CA12: variants seen among roughly 807,000 people sequenced by gnomAD.
CA12 encodes the protein carbonate dehydratase XII.
Under a neutral mutation model 46.8 loss-of-function variants are expected in CA12, and 36 were observed. The observed-to-expected ratio is 0.77, with a 90% confidence interval of 0.59 to 1.02. The LOEUF (loss-of-function observed/expected upper bound fraction) is 1.02. Ranked by LOEUF, CA12 falls within the 50% of genes least tolerant of loss-of-function variation. The pLI, the probability that CA12 is intolerant of heterozygous loss-of-function variation, is 0.00. For synonymous variants in CA12, 202 were observed against 187.0 expected (o/e 1.08, Z -0.65); for missense variants, 436 against 451.4 (o/e 0.97, Z 0.31).
chr15:63,345,744 G>T lies in CA12; in HGVS notation c.287-125C>A, dbSNP rs892354109. ...CCTGGAGCCCAGAGAGAGGCAGGTGGATGGAGTGAGGTGCGGAGCAGAGAT... is the reference window on the plus strand; with the variant it reads ...CCTGGAGCCCAGAGAGAGGCAGGTGTATGGAGTGAGGTGCGGAGCAGAGAT... On this transcript the variant is annotated intron_variant, in intron 3 of 10. Transcript: ENST00000178638. The surrounding 1 kb of genome is among the most constrained non-coding windows in gnomAD (Gnocchi z 4.3). 9 of 1,256,004 alleles carry T rather than the reference G, an allele frequency of 7.2e-6. No homozygotes were observed. In the African/African-American group the frequency reaches 1.0e-4, roughly 14 times the overall value. The allele number at this position is 1,256,004 out of a possible 1,614,324, so 77.8% of individuals were successfully genotyped here. A position where few individuals can be genotyped will look rare whatever the true frequency, so the allele number is the denominator to read the frequency against.
At position 63,325,988 on chromosome 15, in the gene CA12, A is replaced by T. The variant is rs2038860729; in HGVS notation, c.*297T>A. The T allele has an allele frequency of 1.4e-5, 6 of 427,732 alleles. No homozygotes were observed. Among genetic ancestry groups the T allele is most frequent in the Middle Eastern group, 6.8e-4 (1 of 1,476 alleles). The allele number at this position is 427,732 out of a possible 1,614,324, so 26.5% of individuals were successfully genotyped here. A position where few individuals can be genotyped will look rare whatever the true frequency, so the allele number is the denominator to read the frequency against. On this transcript the variant is annotated 3_prime_UTR_variant, in exon 11 of 11. Coordinates refer to ENST00000178638, the MANE Select transcript of CA12 (RefSeq NM_001218.5). This position sits in a 1 kb window ranked among gnomAD's most constrained non-coding sequence, Gnocchi z 4.9. Reference sequence around the variant, plus strand: ...TTCCAACCATTAATGGCCCACCAGCATGGCTTGGTTTGTGATTCCAGAATT... The same window carrying T: ...TTCCAACCATTAATGGCCCACCAGCTTGGCTTGGTTTGTGATTCCAGAATT...
intron 2 of CA12, among the ~76,000 whole-genome samples, chr15:63,351,394 G>A (rs944676525): frequency 6.6e-6 from 1 of 152,130 alleles, no homozygotes; most frequent in Non-Finnish European, 1.5e-5. Context: ...AGCCTGGCTT[G>A]GGTGGCACCA....
chr15:63,357,215 C>T (rs1247665132), intron 2 of CA12, among the ~76,000 whole-genome samples: 2 of 152,214 alleles, frequency 1.3e-5, no homozygotes, highest in East Asian at 3.8e-4. Context: ...AACTTGAGTG[C>T]ACAATCAGAA....
chr15:63,377,000 G>A (rs998904152), intron 1 of CA12, among the ~76,000 whole-genome samples: 5 of 152,164 alleles, frequency 3.3e-5, no homozygotes, highest in Non-Finnish European at 7.3e-5. Context: ...AATTCCAGGG[G>A]TAGTAGGAAT....
chr15:63,334,676 T>A (rs1460601044), intron 8 of CA12, among the ~76,000 whole-genome samples: 1 of 152,028 alleles, frequency 6.6e-6, no homozygotes, highest in East Asian at 1.9e-4. Flanking sequence ...GAAAAACTCA[T>A]ACAAAAGGGA....
At chr15:63,326,382 C>T (rs764590653) in intron 10 of CA12, 25 bp from the exon 11 acceptor site, 9 of 1,593,810 alleles carry the variant, frequency 5.6e-6, no homozygotes, top group Non-Finnish European at 6.9e-6. Flanking sequence ...ACACATAACT[C>T]TTGTTAGAGA....
rs1483004218 is a variant in CA12 at position 63,340,932 on chromosome 15, A to C, written c.526-149T>G. ...TACTGGACAATTATGATGGATCACT[A>C]GGCTCTTGGGAGTTAGTGTAATGGT... On this transcript the variant is annotated intron_variant, in intron 5 of 10. Transcript: ENST00000178638. The surrounding 1 kb of genome is among the most constrained non-coding windows in gnomAD (Gnocchi z 4.4). 10 of 725,000 alleles carry C rather than the reference A, an allele frequency of 1.4e-5. No individual in the cohort carries two copies. The highest frequency in any genetic ancestry group is 2.3e-5 in the Non-Finnish European group (9 of 397,084). 44.9% of individuals were successfully genotyped at this position (725,000 alleles called of 1,614,324 possible).
At chr15:63,335,577 C>T (rs889579211) in intron 8 of CA12, among the ~76,000 whole-genome samples, 3 of 151,280 alleles carry the variant, frequency 2.0e-5, no homozygotes, top group African/African-American at 7.3e-5. Flanking sequence ...GATCCTCCCA[C>T]CTCAGCCTCC....
chr15:63,366,975 G>T (rs1052522156), intron 2 of CA12, among the ~76,000 whole-genome samples: 2 of 152,178 alleles, frequency 1.3e-5, no homozygotes, highest in African/African-American at 2.4e-5. Flanking sequence ...AGACTGGAGT[G>T]CAGTGGTATG....
intron 8 of CA12, among the ~76,000 whole-genome samples, chr15:63,333,019 A>T (rs2038955540): frequency 6.6e-6 from 1 of 152,196 alleles, no homozygotes; most frequent in Non-Finnish European, 1.5e-5. Context: ...CATAACAGAG[A>T]TGGAGACGTG....
chr15:63,376,440 C>T (rs887091309), intron 1 of CA12, among the ~76,000 whole-genome samples: 3 of 152,080 alleles, frequency 2.0e-5, no homozygotes, highest in Admixed American at 6.6e-5. Flanking sequence ...ATGCATTGAT[C>T]TCCCTCTTTC....
At chr15:63,368,208 A>C (rs184635561) in intron 2 of CA12, among the ~76,000 whole-genome samples, 1 of 152,356 alleles carries the variant, frequency 6.6e-6, no homozygotes, top group Non-Finnish European at 1.5e-5. Flanking sequence ...CAGAGATGCT[A>C]AAATGTGGGG....
intron 2 of CA12, among the ~76,000 whole-genome samples, chr15:63,347,466 G>C (rs564812007): frequency 6.6e-6 from 1 of 151,968 alleles, no homozygotes; most frequent in South Asian, 2.1e-4. Flanking sequence ...GTTTAAGCTG[G>C]AAAAAAATAT....
intron 3 of CA12, among the ~76,000 whole-genome samples, chr15:63,346,035 C>A (rs1336180116): frequency 6.6e-6 from 1 of 152,190 alleles, no homozygotes; most frequent in African/African-American, 2.4e-5. Flanking sequence ...TGCCAGACCC[C>A]AACGTACATA....
intron 4 of CA12, 79 bp from the exon 5 acceptor site, chr15:63,342,176 A>G (rs958057552): frequency 2.2e-6 from 2 of 898,726 alleles, no homozygotes; most frequent in Non-Finnish European, 3.7e-6. Context: ...ACTTGACTCC[A>G]ACTGTGAGGA....
At chr15:63,336,508 A>C (rs1224944484) in intron 8 of CA12, among the ~76,000 whole-genome samples, 1 of 146,216 alleles carries the variant, frequency 6.8e-6, no homozygotes, top group Admixed American at 6.8e-5. Flanking sequence ...ACATATTAGC[A>C]CCGAAAGGAC....
intron 2 of CA12, among the ~76,000 whole-genome samples, chr15:63,370,892 C>T (rs2152626391): frequency 6.6e-6 from 1 of 152,296 alleles, no homozygotes; most frequent in Admixed American, 6.5e-5. Context: ...CGAGAAGTGG[C>T]TGGAATGTTT....
In CA12 at chr15:63,340,226, A is replaced by G. The variant is rs148708737; in HGVS notation, c.747+62T>C. The G allele has an allele frequency of 3.3e-3, 5,080 of 1,560,652 alleles. 10 individuals carry two copies. Among genetic ancestry groups the G allele is most frequent in the Non-Finnish European group, 4.0e-3 (4,537 of 1,132,086 alleles). On this transcript the variant is annotated intron_variant, in intron 7 of 10. Coordinates refer to ENST00000178638, the MANE Select transcript of CA12 (RefSeq NM_001218.5). The surrounding 1 kb of genome is among the most constrained non-coding windows in gnomAD (Gnocchi z 4.4). Reference sequence around the variant, plus strand: ...AGGAAATCAAGTCATTGATTGTGATATGGAGGATGATGGGGACTGAGGTGC... The same window carrying G: ...AGGAAATCAAGTCATTGATTGTGATGTGGAGGATGATGGGGACTGAGGTGC...
rs1471916419 is a variant in CA12, at chr15:63,355,134, CCT to C, written c.107-8427_107-8426del. Among the ~76,000 whole-genome samples the C allele has an allele frequency of 6.6e-6, 1 of 152,158 alleles. No individual in the cohort carries two copies. The highest frequency in any genetic ancestry group is 1.5e-5 in the Non-Finnish European group (1 of 68,036). On this transcript the variant is annotated intron_variant, in intron 2 of 10. Coordinates refer to ENST00000178638, the MANE Select transcript of CA12 (RefSeq NM_001218.5). The surrounding 1 kb of genome is among the most constrained non-coding windows in gnomAD (Gnocchi z 4.1). ...GTTCATCGTGGAGAGGCTCTGCCCACCTCTCTCTGGACTTTTCTGTGTCTGCT... is the reference window on the plus strand; with the variant it reads ...GTTCATCGTGGAGAGGCTCTGCCCACCTCTCTGGACTTTTCTGTGTCTGCT...
Sources: gnomAD v4.1 joint callset for allele counts (sites outside exome capture counted in the v4.1 genomes callset) on GRCh38, gnomAD v4.1.1 for gene constraint, Gnocchi (gnomAD v3.1) non-coding constraint, MANE v1.5 for transcripts, NCBI Gene and HGNC (gene_info 2026-07-23, HGNC 2026-07-21) for gene names.